The following MAML3 variants were observed in gnomAD, a reference collection of about 807,000 sequenced individuals.
MAML3 encodes mastermind-like protein 3.
MAML3 carries 27 observed loss-of-function variants against 101.9 expected under a neutral mutation model. That is an observed-to-expected ratio of 0.27 (90% CI 0.20 to 0.37). The LOEUF is 0.37. Ranked by LOEUF, MAML3 falls within the 10% of genes least tolerant of loss-of-function variation. The probability of loss-of-function intolerance (pLI) is 1.00; values close to 1 mark genes in which losing one functional copy is unlikely to be tolerated. For synonymous variants in MAML3, 501 were observed against 555.9 expected, an observed-to-expected ratio of 0.90 and a Z score of 1.39; for missense variants, 1,316 against 1,444.9, an observed-to-expected ratio of 0.91 and a Z score of 1.45.
chr4:139,975,328 A>G (rs1383157282), intron 1 of MAML3, among the ~76,000 whole-genome samples: 1 of 151,578 alleles, frequency 6.6e-6, no homozygotes, highest in Non-Finnish European at 1.5e-5. Flanking sequence ...ATGTTTGGCT[A>G]CTCCTTCATG....
At chr4:140,052,825 G>A (rs371961430) in intron 1 of MAML3, among the ~76,000 whole-genome samples, 1 of 151,916 alleles carries the variant, frequency 6.6e-6, no homozygotes, top group African/African-American at 2.4e-5. Context: ...GTAAGCCACC[G>A]TGCCTGGCAA....
At chr4:139,828,945 C>A (rs1731111592) in intron 2 of MAML3, among the ~76,000 whole-genome samples, 1 of 148,762 alleles carries the variant, frequency 6.7e-6, no homozygotes, top group Non-Finnish European at 1.5e-5. Flanking sequence ...TGAACTCCAG[C>A]CTGGGTGACA....
chr4:139,848,455 A>C (rs1202641273), intron 2 of MAML3, among the ~76,000 whole-genome samples: 2 of 152,226 alleles, frequency 1.3e-5, no homozygotes, highest in Non-Finnish European at 2.9e-5. Context: ...CCTTCCCTCA[A>C]AAATAGCCCT....
intron 1 of MAML3, among the ~76,000 whole-genome samples, chr4:140,123,092 GTT>G (rs58567442): frequency 1.1e-4 from 15 of 138,186 alleles, no homozygotes; most frequent in Admixed American, 2.2e-4. Context: ...AAGCTCTGCG[GTT>G]TTTTTTTTTT....
intron 1 of MAML3, among the ~76,000 whole-genome samples, chr4:140,063,033 A>G (rs1263666488): frequency 6.6e-6 from 1 of 152,224 alleles, no homozygotes; most frequent in Non-Finnish European, 1.5e-5. Flanking sequence ...CATTTTATAT[A>G]CATTATTTAC....
intron 2 of MAML3, among the ~76,000 whole-genome samples, chr4:139,737,129 A>C (rs1728977330): frequency 6.6e-6 from 1 of 152,166 alleles, no homozygotes. Context: ...GGGGAGCATC[A>C]GACATCCCTA....
At chr4:139,859,224 T>C (rs186842939) in intron 2 of MAML3, among the ~76,000 whole-genome samples, 4 of 139,284 alleles carry the variant, frequency 2.9e-5, no homozygotes, top group Admixed American at 2.2e-4. Flanking sequence ...GAGGTTCTAC[T>C]ACATTTTTTT....
chr4:139,737,741 T>A (rs1729001030), intron 2 of MAML3, among the ~76,000 whole-genome samples: 1 of 152,232 alleles, frequency 6.6e-6, no homozygotes, highest in African/African-American at 2.4e-5. Context: ...TTTGGTTTTC[T>A]TTTACAAACT....
At chr4:139,948,204 A>G (rs1186434945) in intron 1 of MAML3, among the ~76,000 whole-genome samples, 4 of 152,178 alleles carry the variant, frequency 2.6e-5, no homozygotes, top group Non-Finnish European at 4.4e-5. Flanking sequence ...GTCTATGTGG[A>G]AAAACCCAAC....
intron 1 of MAML3, among the ~76,000 whole-genome samples, chr4:139,906,790 T>C (rs952487940): frequency 5.3e-5 from 8 of 152,366 alleles, no homozygotes; most frequent in Admixed American, 4.6e-4. Flanking sequence ...TAATATTTTC[T>C]GTAACTACCT....
chr4:140,025,099 A>T (rs1210099466), intron 1 of MAML3, among the ~76,000 whole-genome samples: 1 of 152,328 alleles, frequency 6.6e-6, no homozygotes, highest in African/African-American at 2.4e-5. Flanking sequence ...CAAGAGATAT[A>T]ACAACCAATG....
intron 2 of MAML3, among the ~76,000 whole-genome samples, chr4:139,864,384 A>C (rs1731849560): frequency 6.6e-6 from 1 of 152,202 alleles, no homozygotes. Context: ...GTGATGAATA[A>C]AAATCTTTCA....
intron 2 of MAML3, among the ~76,000 whole-genome samples, chr4:139,845,673 C>T (rs1264220173): frequency 2.6e-5 from 4 of 152,262 alleles, no homozygotes; most frequent in East Asian, 1.9e-4. Context: ...AACTAAAGCA[C>T]TTCATATGAT....
intron 1 of MAML3, among the ~76,000 whole-genome samples, chr4:140,119,044 C>T (rs887334702): frequency 4.6e-5 from 7 of 152,128 alleles, no homozygotes; most frequent in Non-Finnish European, 8.8e-5. Context: ...AAGCTAGCTT[C>T]AATACATACA....
chr4:140,122,083 T>G (rs963656727), intron 1 of MAML3, among the ~76,000 whole-genome samples: 4 of 152,108 alleles, frequency 2.6e-5, no homozygotes, highest in Non-Finnish European at 4.4e-5. Context: ...GAACTGCGAG[T>G]CGATTAAATC....
chr4:139,928,833 C>T (rs1431701599), intron 1 of MAML3, among the ~76,000 whole-genome samples: 2 of 152,002 alleles, frequency 1.3e-5, no homozygotes, highest in Non-Finnish European at 2.9e-5. Context: ...AGGAGTGACA[C>T]AGTGGAACTC....
At chr4:139,997,708 T>G (rs1298624722) in intron 1 of MAML3, among the ~76,000 whole-genome samples, 5 of 152,138 alleles carry the variant, frequency 3.3e-5, no homozygotes, top group Non-Finnish European at 2.9e-5. Context: ...TTTCCTTTAG[T>G]ATTTATTGTA....
intron 2 of MAML3, 60 bp downstream of exon 2, chr4:139,889,297 A>ATCGACAGT: frequency 6.2e-7 from 1 of 1,613,234 alleles, no homozygotes; most frequent in Non-Finnish European, 8.5e-7. Flanking sequence ...AACATCACAC[A>ATCGACAGT]TCGACAGTCT....
intron 2 of MAML3, among the ~76,000 whole-genome samples, chr4:139,886,168 A>G (rs1332629932): frequency 6.6e-6 from 1 of 151,994 alleles, no homozygotes; most frequent in Non-Finnish European, 1.5e-5. Flanking sequence ...TGTGGGAGGC[A>G]GGTTTTAGGA....
Sources: gnomAD v4.1 joint callset for allele counts (sites outside exome capture counted in the v4.1 genomes callset) on GRCh38, gnomAD v4.1.1 for gene constraint, MANE v1.5 for transcripts, NCBI Gene and HGNC (gene_info 2026-07-23, HGNC 2026-07-21) for gene names.